Variants in SLC2A9 observed in about 807,000 individuals in gnomAD.
SLC2A9 encodes the protein solute carrier family 2, facilitated glucose transporter member 9.
SLC2A9 carries 39 observed loss-of-function variants against 50.6 expected under a neutral mutation model. That is an observed-to-expected ratio of 0.77 (90% confidence interval 0.60 to 1.01). The LOEUF is 1.01. Ranked by LOEUF, SLC2A9 falls within the 50% of genes least tolerant of loss-of-function variation. SLC2A9 has a pLI of 0.00. For synonymous variants in SLC2A9, 324 were observed against 276.9 expected (o/e 1.17, Z -1.69); for missense variants, 686 against 677.6 (o/e 1.01, Z -0.14).
intron 10 of SLC2A9, among the ~76,000 whole-genome samples, chr4:9,866,453 C>A (rs943171661): frequency 3.3e-5 from 5 of 150,980 alleles, no homozygotes; most frequent in African/African-American, 1.2e-4. Flanking sequence ...GCTCTGTGGC[C>A]ATGGAGTTTG....
chr4:9,879,408 G>A (rs547562884), intron 10 of SLC2A9: 119 of 985,296 alleles, frequency 1.2e-4, no homozygotes, highest in East Asian at 8.0e-4. Flanking sequence ...GTGTTTGTGC[G>A]TGTGGGGCAG....
At chr4:9,996,220 TA>T (rs1758625249) in intron 3 of SLC2A9, among the ~76,000 whole-genome samples, 1 of 152,214 alleles carries the variant, frequency 6.6e-6, no homozygotes, top group African/African-American at 2.4e-5. Context: ...GGAGTGTGGC[TA>T]AATAAATGAT....
At chr4:10,019,625 CCCTGCTGACCCGTCA>C in intron 1 of SLC2A9, among the ~76,000 whole-genome samples, 1 of 152,182 alleles carries the variant, frequency 6.6e-6, no homozygotes, top group Admixed American at 6.5e-5. Context: ...CTGCACTGTC[CCCTGCTGACCCGTCA>C]CCTGAGTGCC....
chr4:9,817,055 T>A (rs1205060151), intron 3 of SLC2A9, among the ~76,000 whole-genome samples: 1 of 152,148 alleles, frequency 6.6e-6, no homozygotes, highest in Non-Finnish European at 1.5e-5. Context: ...CAGTGCAGCA[T>A]CTTCAAATCT....
At chr4:9,994,563 CCT>C (rs1758293127) in intron 3 of SLC2A9, among the ~76,000 whole-genome samples, 3 of 100,436 alleles carry the variant, frequency 3.0e-5, no homozygotes, top group Admixed American at 1.1e-4. Context: ...CTTTCCTTTT[CCT>C]TTTTTTTTTT....
intron 8 of SLC2A9, among the ~76,000 whole-genome samples, chr4:9,891,431 G>A (rs921009796): frequency 1.3e-5 from 2 of 152,164 alleles, no homozygotes; most frequent in African/African-American, 2.4e-5. Context: ...CCAGATGCAC[G>A]AACTTTGGCA....
At chr4:9,839,339 TACTG>T (rs1425850465) in intron 10 of SLC2A9, among the ~76,000 whole-genome samples, 2 of 152,120 alleles carry the variant, frequency 1.3e-5, no homozygotes, top group Admixed American at 6.6e-5. Flanking sequence ...AAATAACAGA[TACTG>T]GCTGGGTTGT....
At chr4:9,791,621 G>A in intron 3 of SLC2A9, among the ~76,000 whole-genome samples, 1 of 152,186 alleles carries the variant, frequency 6.6e-6, no homozygotes, top group East Asian at 1.9e-4. Flanking sequence ...CAGTCACGTT[G>A]TGGGTGTTCT....
intron 1 of SLC2A9, among the ~76,000 whole-genome samples, chr4:9,771,589 A>T (rs1716826437): frequency 6.6e-6 from 1 of 152,254 alleles, no homozygotes; most frequent in Non-Finnish European, 1.5e-5. Flanking sequence ...CAATGGGTTC[A>T]TCCCAGTCAG....
At chr4:9,855,378 A>G (rs1436772982) in intron 10 of SLC2A9, among the ~76,000 whole-genome samples, 1 of 152,166 alleles carries the variant, frequency 6.6e-6, no homozygotes, top group Non-Finnish European at 1.5e-5. Flanking sequence ...ACAAGCATAC[A>G]AAATAAAATT....
intron 8 of SLC2A9, among the ~76,000 whole-genome samples, chr4:9,906,544 T>C (rs938884469): frequency 2.6e-5 from 4 of 152,224 alleles, no homozygotes; most frequent in Non-Finnish European, 5.9e-5. Flanking sequence ...ACTGTGCTAC[T>C]ATGTAAGAAA....
At chr4:9,956,167 C>T (rs1316926616) in intron 5 of SLC2A9, among the ~76,000 whole-genome samples, 1 of 142,350 alleles carries the variant, frequency 7.0e-6, no homozygotes, top group Non-Finnish European at 1.5e-5. Context: ...GCGTGATCCA[C>T]CCAGTGAGCA....
At chr4:9,881,963 T>G (rs186353596) in intron 10 of SLC2A9, among the ~76,000 whole-genome samples, 1 of 152,234 alleles carries the variant, frequency 6.6e-6, no homozygotes. Flanking sequence ...AAGATCTGCA[T>G]GTGTCAGCAC....
At chr4:9,890,284 G>C (rs186239844) in intron 9 of SLC2A9, among the ~76,000 whole-genome samples, 3 of 152,296 alleles carry the variant, frequency 2.0e-5, no homozygotes, top group Admixed American at 2.0e-4. Flanking sequence ...AGCACCTTAA[G>C]GTTGTCTAGT....
chr4:9,881,560 T>C (rs990190472), intron 10 of SLC2A9, among the ~76,000 whole-genome samples: 4 of 152,200 alleles, frequency 2.6e-5, no homozygotes, highest in African/African-American at 4.8e-5. Flanking sequence ...GAAAATATAT[T>C]AGGCTTTTCA....
At position 9,958,472 on chromosome 4, in the gene SLC2A9, A is replaced by T. The variant is rs142202563; in HGVS notation, c.682-16427T>A. On this transcript the variant is annotated intron_variant, in intron 5 of 11. Transcript: ENST00000264784. ...AACACATGGACACAGGGAGGGGAAC[A>T]TCACACAATGGGGCCTGTTGGAGGT... 5.9e-3 allele frequency among the ~76,000 whole-genome samples: 896 copies of T among 152,286 alleles called. 5 individuals are homozygous for T. Among genetic ancestry groups the T allele is most frequent in the Non-Finnish European group, 7.3e-3 (497 of 68,012 alleles).
At chr4:9,926,971 C>A (rs945465075) in intron 6 of SLC2A9, among the ~76,000 whole-genome samples, 1 of 151,800 alleles carries the variant, frequency 6.6e-6, no homozygotes, top group African/African-American at 2.4e-5. Flanking sequence ...GCCCTGCTGG[C>A]ACCTTGACCT....
intron 8 of SLC2A9, among the ~76,000 whole-genome samples, chr4:9,900,716 G>T (rs4697911): frequency 0.88 from 134,046 of 152,186 alleles, 60,122 homozygotes; most frequent in Non-Finnish European, 0.96. Context: ...TCCACAGGGC[G>T]GGGGAGGCCT....
intron 6 of SLC2A9, among the ~76,000 whole-genome samples, chr4:9,922,638 C>A (rs1744147661): frequency 6.6e-6 from 1 of 152,174 alleles, no homozygotes; most frequent in Non-Finnish European, 1.5e-5. Flanking sequence ...AGTGGGGGAC[C>A]TCCTGCAATG....
Sources: allele counts gnomAD v4.1 joint callset (sites outside exome capture counted in the v4.1 genomes callset), GRCh38; gene constraint gnomAD v4.1.1; transcripts MANE v1.5; gene names NCBI Gene and HGNC (gene_info 2026-07-23, HGNC 2026-07-21).